The following KIAA0513 variants were observed in gnomAD, a reference collection of about 807,000 sequenced individuals.
The protein encoded by KIAA0513 is KIAA0513.
In KIAA0513, 39 loss-of-function variants were observed where a neutral mutation model predicts 56.5. The ratio of observed to expected loss-of-function variants is 0.69; its 90% CI spans 0.53 to 0.90. The LOEUF (loss-of-function observed/expected upper bound fraction) is 0.90, where lower values mean the gene tolerates loss of function less well. Ranked by LOEUF, KIAA0513 falls within the 40% of genes least tolerant of loss-of-function variation. KIAA0513 has a pLI of 0.00. For missense variants in KIAA0513, 591 were observed against 535.2 expected (o/e 1.10, Z -1.03); for synonymous variants, 268 against 215.6 (o/e 1.24, Z -2.13).
At chr16:85,086,185 A>G (rs2073805514) in intron 10 of KIAA0513, among the ~76,000 whole-genome samples, 1 of 152,294 alleles carries the variant, frequency 6.6e-6, no homozygotes, top group Admixed American at 6.5e-5. Context: ...CAGGAGACAC[A>G]GGTGTGAGTC....
intron 1 of KIAA0513, among the ~76,000 whole-genome samples, chr16:85,057,165 G>T (rs974575413): frequency 2.6e-5 from 4 of 152,124 alleles, no homozygotes; most frequent in Non-Finnish European, 5.9e-5. Flanking sequence ...TTGCCTCCTG[G>T]GTTATATTGT....
At chr16:85,056,406 G>A (rs963086592) in intron 1 of KIAA0513, among the ~76,000 whole-genome samples, 5 of 152,182 alleles carry the variant, frequency 3.3e-5, no homozygotes, top group African/African-American at 7.2e-5. Flanking sequence ...ACACTGCAGC[G>A]GTAGCTCTTT....
chr16:85,050,357 TTA>T lies in KIAA0513; in HGVS notation c.-172-16541_-172-16540del, dbSNP rs1157680540. Among the ~76,000 whole-genome samples the T allele has an allele frequency of 9.1e-3, 696 of 76,136 alleles. 9 individuals carry two copies. The highest frequency in any genetic ancestry group is 0.049 in the East Asian group (178 of 3,642). The allele number at this position is 76,136 out of a possible 152,430, so 49.9% of individuals were successfully genotyped here. ...TTTATTTATTTATTTATTTATTTAT[TTA>T]TTTTTTTTGAGACGGACTCTTGTTC... On this transcript the variant is annotated intron_variant, in intron 1 of 12. Transcript: ENST00000683363.
chr16:85,049,180 G>A (rs7199178), intron 1 of KIAA0513, among the ~76,000 whole-genome samples: 15,288 of 152,320 alleles, frequency 0.1, 1,301 homozygotes, highest in East Asian at 0.29. Context: ...AGGTGTCACG[G>A]GTAGGCAGGG....
intron 1 of KIAA0513, among the ~76,000 whole-genome samples, chr16:85,055,905 A>T (rs1266368121): frequency 2.0e-5 from 3 of 152,194 alleles, no homozygotes; most frequent in Non-Finnish European, 4.4e-5. Context: ...GGCCCACTCA[A>T]ACTCTAAGCT....
intron 1 of KIAA0513, among the ~76,000 whole-genome samples, chr16:85,041,632 C>T (rs2073104981): frequency 6.6e-6 from 1 of 152,202 alleles, no homozygotes; most frequent in Non-Finnish European, 1.5e-5. Flanking sequence ...TACTCGGGCG[C>T]TGCCTCCATC....
At chr16:85,043,358 A>G (rs961937629) in intron 1 of KIAA0513, among the ~76,000 whole-genome samples, 15 of 150,982 alleles carry the variant, frequency 9.9e-5, no homozygotes, top group African/African-American at 3.7e-4. Flanking sequence ...TCCTTCTCAA[A>G]CAGGGCATGA....
At chr16:85,041,048 A>G (rs1024912255) in intron 1 of KIAA0513, among the ~76,000 whole-genome samples, 20 of 152,222 alleles carry the variant, frequency 1.3e-4, no homozygotes, top group African/African-American at 4.1e-4. Flanking sequence ...CTTGTTATAT[A>G]TTAAGGTCCC....
intron 1 of KIAA0513, among the ~76,000 whole-genome samples, chr16:85,042,917 A>G (rs2073122780): frequency 6.6e-6 from 1 of 152,250 alleles, no homozygotes; most frequent in Non-Finnish European, 1.5e-5. Flanking sequence ...TGAAATTGCC[A>G]TCCTTTTATT....
intron 2 of KIAA0513, among the ~76,000 whole-genome samples, chr16:85,071,189 C>T (rs1249699382): frequency 6.6e-6 from 1 of 152,116 alleles, no homozygotes; most frequent in African/African-American, 2.4e-5. Flanking sequence ...GATGGAGGTC[C>T]CCGGTCTCCA....
chr16:85,032,379 G>GC (rs2072977110), intron 1 of KIAA0513, among the ~76,000 whole-genome samples: 1 of 152,204 alleles, frequency 6.6e-6, no homozygotes, highest in African/African-American at 2.4e-5. Flanking sequence ...TGTTGCCCAG[G>GC]CCGTAGTGCA....
intron 2 of KIAA0513, among the ~76,000 whole-genome samples, chr16:85,068,518 G>T (rs2144021597): frequency 6.6e-6 from 1 of 152,078 alleles, no homozygotes; most frequent in Non-Finnish European, 1.5e-5. Context: ...ATTTTTAGTA[G>T]AGACGGGGTT....
rs2073600746 is a variant in KIAA0513 at position 85,072,969 on chromosome 16, G to A, written c.474G>A (p.Leu158=). The A allele has an allele frequency of 1.1e-5, 17 of 1,614,180 alleles. No individual in the cohort carries two copies. The highest frequency in any genetic ancestry group is 2.2e-5 in the East Asian group (1 of 44,886). The stretch of plus-strand genomic sequence containing the variant: ...TCTCAGAGGCAACCTTCTACCGCCT[G>A]GTGCAGTCTTTTGCAGTGGTGCTGT... ...KCVSEATFYR[L]VQSFAVVLFE... Residue 158 remains leucine, a synonymous_variant, in exon 4 of 13, where the codon CTG becomes CTA. Transcript: ENST00000683363.
At chr16:85,086,102 C>A (rs1248567840) in intron 10 of KIAA0513, among the ~76,000 whole-genome samples, 1 of 152,234 alleles carries the variant, frequency 6.6e-6, no homozygotes, top group Non-Finnish European at 1.5e-5. Flanking sequence ...CCTCAGCGCC[C>A]TCAGCCTCTG....
intron 1 of KIAA0513, among the ~76,000 whole-genome samples, chr16:85,058,823 A>C (rs895754787): frequency 1.3e-5 from 2 of 152,244 alleles, no homozygotes; most frequent in African/African-American, 4.8e-5. Context: ...TTCCAAATTC[A>C]GTATCTGCAG....
At chr16:85,044,515 T>TA (rs199987666) in intron 1 of KIAA0513, among the ~76,000 whole-genome samples, 12 of 151,900 alleles carry the variant, frequency 7.9e-5, no homozygotes, top group African/African-American at 2.7e-4. Flanking sequence ...TTTTTATTTT[T>TA]TTTTTTTTTT....
chr16:85,078,778 G>C, intron 7 of KIAA0513, 147 bp from the exon 8 acceptor site: 3 of 838,310 alleles, frequency 3.6e-6, no homozygotes, highest in Non-Finnish European at 2.0e-6. Context: ...ACTGGCTATG[G>C]CTAGCAGAAA....
intron 2 of KIAA0513, among the ~76,000 whole-genome samples, chr16:85,069,944 C>A (rs976097141): frequency 6.6e-6 from 1 of 151,482 alleles, no homozygotes; most frequent in African/African-American, 2.4e-5. Flanking sequence ...GCGGGCAGGT[C>A]GCTTGAGCCC....
chr16:85,043,327 A>G (rs1013411393), intron 1 of KIAA0513, among the ~76,000 whole-genome samples: 4 of 148,950 alleles, frequency 2.7e-5, no homozygotes, highest in African/African-American at 4.9e-5. Context: ...GCCTCCGTCT[A>G]TGGTGCACAC....
Sources: gnomAD v4.1 joint callset for allele counts (sites outside exome capture counted in the v4.1 genomes callset) on GRCh38, gnomAD v4.1.1 for gene constraint, MANE v1.5 for transcripts, NCBI Gene and HGNC (gene_info 2026-07-23, HGNC 2026-07-21) for gene names.